Variants in HEATR9 observed in about 807,000 individuals in gnomAD.
The protein encoded by HEATR9 is protein HEATR9.
Under a neutral mutation model 68.2 loss-of-function variants are expected in HEATR9, and 54 were observed. The ratio of observed to expected loss-of-function variants is 0.79; its 90% confidence interval spans 0.64 to 0.99. HEATR9 has a LOEUF of 0.99. Ranked by LOEUF, HEATR9 falls within the 50% of genes least tolerant of loss-of-function variation. The probability of loss-of-function intolerance (pLI) is 0.00; values close to 1 mark genes in which losing one functional copy is unlikely to be tolerated. For missense variants in HEATR9, 662 were observed against 679.7 expected, an observed-to-expected ratio of 0.97 and a Z score of 0.29; for synonymous variants, 241 against 253.5, an observed-to-expected ratio of 0.95 and a Z score of 0.47.
chr17:35,862,667 TAAG>T (rs951511995), intron 8 of HEATR9, among the ~76,000 whole-genome samples: 1 of 152,188 alleles, frequency 6.6e-6, no homozygotes, highest in African/African-American at 2.4e-5. Context: ...CATAGTAAGT[TAAG>T]GAGTGTACTG....
chr17:35,865,874 T>TA, intron 2 of HEATR9, among the ~76,000 whole-genome samples: 1 of 152,314 alleles, frequency 6.6e-6, no homozygotes, highest in East Asian at 1.9e-4. Context: ...ATGTGCCAGA[T>TA]ACTGTGCTGG....
chr17:35,856,579 AG>A (rs2087779724), intron 12 of HEATR9, among the ~76,000 whole-genome samples, 152 bp downstream of exon 12: 1 of 152,152 alleles, frequency 6.6e-6, no homozygotes, highest in African/African-American at 2.4e-5. Context: ...TTACTTGGTT[AG>A]GGGCATGGGC....
chr17:35,858,510 C>CCAG lies in HEATR9; in HGVS notation c.952_954dup (p.Leu318dup). ...GCTGAGTGCACGTGCATCACCTTGA[C>CCAG]CAGCATCCTAAGTGCCTATGAGGGG... On this transcript the variant is annotated inframe_insertion, in exon 10 of 15. Coordinates refer to ENST00000604834, the MANE Select transcript of HEATR9 (RefSeq NM_152781.4). 6.2e-7 allele frequency: 1 copy of CCAG among 1,611,084 alleles called. No individual in the cohort carries two copies. The highest frequency in any genetic ancestry group is 1.1e-5 in the South Asian group (1 of 90,864).
At chr17:35,868,601 A>T in intron 1 of HEATR9, 54 bp downstream of exon 1, 1 of 1,612,466 alleles carries the variant, frequency 6.2e-7, no homozygotes, top group South Asian at 1.1e-5. Flanking sequence ...GCCAGGTAGC[A>T]TTTCTTTTTC....
At chr17:35,863,152 G>T in intron 7 of HEATR9, 27 bp from the exon 8 acceptor site, 1 of 1,612,480 alleles carries the variant, frequency 6.2e-7, no homozygotes, top group Non-Finnish European at 8.5e-7. Context: ...CTCAAGTCAG[G>T]GCAGAGCCTC....
intron 8 of HEATR9, chr17:35,861,296 C>T: frequency 1.4e-6 from 2 of 1,388,796 alleles, no homozygotes; most frequent in Non-Finnish European, 2.0e-6. Flanking sequence ...TTCATTGCGT[C>T]AATAGTTTTA....
chr17:35,855,556 C>T (rs1490659675), intron 14 of HEATR9, 108 bp downstream of exon 14: 5 of 1,299,074 alleles, frequency 3.8e-6, no homozygotes, highest in African/African-American at 1.5e-5. Context: ...TGTCTAAGGG[C>T]TCATGACCCT....
rs568750057 is a variant in HEATR9 at position 35,863,574 on chromosome 17, G to A, written c.568-15C>T. On this transcript the variant is annotated splice_polypyrimidine_tract_variant and intron_variant, in intron 6 of 14. Transcript: ENST00000604834. ...CCAGTTTGGGCCTAATTTAAGAGGC[G>A]GGTGGTAGGAACATATAATAAGGTG... 7.4e-6 allele frequency: 12 copies of A among 1,613,876 alleles called. No individual in the cohort carries two copies. Among genetic ancestry groups the A allele is most frequent in the African/African-American group, 5.3e-5 (4 of 75,054 alleles).
chr17:35,865,020 G>C (rs2088143140), intron 3 of HEATR9, 130 bp from the exon 4 acceptor site: 1 of 1,391,666 alleles, frequency 7.2e-7, no homozygotes, highest in South Asian at 1.3e-5. Context: ...TGAGGACTCA[G>C]TGATATCCAC....
At chr17:35,864,129 C>T (rs1231856866) in intron 6 of HEATR9, 117 bp downstream of exon 6, 1 of 781,548 alleles carries the variant, frequency 1.3e-6, no homozygotes, top group Non-Finnish European at 2.2e-6. Flanking sequence ...GTGGCTGTGT[C>T]CTTACTGGAT....
chr17:35,864,162 C>T lies in HEATR9; in HGVS notation c.567+84G>A, dbSNP rs773449694. 58 of 1,177,470 alleles carry T rather than the reference C, an allele frequency of 4.9e-5. No individual in the cohort carries two copies. The East Asian group carries it at 7.3e-4, about 15-fold the overall frequency. The allele number at this position is 1,177,470 out of a possible 1,614,324, so 72.9% of individuals were successfully genotyped here. On this transcript the variant is annotated intron_variant, in intron 6 of 14. Coordinates refer to ENST00000604834, the MANE Select transcript of HEATR9 (RefSeq NM_152781.4). ...GATCTGACCCGCCATCCTAGCACCCCGGGGAGCCTCGTCTGTGCCCACATG... is the reference window on the plus strand; with the variant it reads ...GATCTGACCCGCCATCCTAGCACCCTGGGGAGCCTCGTCTGTGCCCACATG...
intron 8 of HEATR9, among the ~76,000 whole-genome samples, chr17:35,860,096 A>G (rs1387533263): frequency 1.3e-5 from 2 of 152,132 alleles, no homozygotes; most frequent in East Asian, 1.9e-4. Context: ...GACATCATTT[A>G]AGAACATTGC....
At position 35,865,252 on chromosome 17, in the gene HEATR9, C is replaced by A. The variant is rs1316981242; in HGVS notation, c.283G>T (p.Ala95Ser). ...DLYDQREERE[A>S]EKMLRKMRDD... The stretch of plus-strand genomic sequence containing the variant: ...CTCATTTTCCTCAACATCTTCTCAG[C>A]CTCCCTTTCCTCTCGCTGATCATAC... Residue 95 changes from alanine (A) to serine (S), a missense_variant, in exon 3 of 15, where the codon GCT becomes TCT. Coordinates refer to ENST00000604834, the MANE Select transcript of HEATR9 (RefSeq NM_152781.4). 1.9e-6 allele frequency: 3 copies of A among 1,614,096 alleles called. No individual in the cohort carries two copies. The highest frequency in any genetic ancestry group is 2.5e-6 in the Non-Finnish European group (3 of 1,179,988).
chr17:35,865,377 G>C lies in HEATR9; in HGVS notation c.158C>G (p.Pro53Arg). Residue 53 changes from proline (P) to arginine (R), a missense_variant, in exon 3 of 15, where the codon CCC becomes CGC. Physicochemically the swap from Pro to Arg is moderately radical, Grantham distance 103 (BLOSUM62 -2). Transcript: ENST00000604834. ...SCYQMPKEEF[P>R]PSPECWRQHP... ...CTGCCTCCAGCACTCTGGACTTGGG[G>C]GAAACTCTTCCTTTGGCATCTGGGG... The C allele has an allele frequency of 6.2e-7, 1 of 1,613,484 alleles. No individual in the cohort carries two copies.
rs201898754 is a variant in HEATR9, at chr17:35,855,296, T to G, written c.1480A>C (p.Thr494Pro). ...TTCTCAGGCTCTTTCTGGAACCTTGTGGGCTCTGCCTTCACATTGGTCTTA... is the reference window on the plus strand; with the variant it reads ...TTCTCAGGCTCTTTCTGGAACCTTGGGGGCTCTGCCTTCACATTGGTCTTA... The part of the protein sequence containing the change: ...APKTNVKAEP[T>P]RFQKEPENPE... Residue 494 changes from threonine (T) to proline (P), a missense_variant, in exon 15 of 15, where the codon ACA becomes CCA. Physicochemically the swap from Thr to Pro is conservative, Grantham distance 38. Transcript: ENST00000604834. 150 of 1,614,104 alleles carry G rather than the reference T, an allele frequency of 9.3e-5. No individual in the cohort carries two copies. Among genetic ancestry groups the G allele is most frequent in the Admixed American group, 2.0e-4 (12 of 60,008 alleles).
At chr17:35,864,166 G>A (rs771396555) in intron 6 of HEATR9, 80 bp downstream of exon 6, 9 of 1,211,362 alleles carry the variant, frequency 7.4e-6, no homozygotes, top group South Asian at 6.1e-5. Context: ...GCACCCCGGG[G>A]AGCCTCGTCT....
At chr17:35,863,446 A>G (rs753224534) in intron 7 of HEATR9, 56 bp downstream of exon 7, 52 of 1,563,204 alleles carry the variant, frequency 3.3e-5, no homozygotes, top group Admixed American at 1.0e-4. Context: ...TCCTTACCCA[A>G]AGGAGAAAGT....
chr17:35,858,465 G>T lies in HEATR9; in HGVS notation c.1000C>A (p.Leu334Ile). 6.2e-7 allele frequency: 1 copy of T among 1,614,144 alleles called. No individual in the cohort carries two copies. Among genetic ancestry groups the T allele is most frequent in the Non-Finnish European group, 8.5e-7 (1 of 1,180,018 alleles). Residue 334 changes from leucine (L) to isoleucine (I), a missense_variant, in exon 10 of 15, where the codon CTA (leucine) becomes ATA (isoleucine). Coordinates refer to ENST00000604834, the MANE Select transcript of HEATR9 (RefSeq NM_152781.4). ...ACACTGGAAGAACACAGCTGGTCTA[G>T]GATGGCCTTGATGACTGGGGCTGAG... ...VHSAPVIKAI[L>I]DQLCSSSVLE...
chr17:35,863,419 T>C, intron 7 of HEATR9, 83 bp downstream of exon 7: 1 of 1,411,422 alleles, frequency 7.1e-7, no homozygotes, highest in South Asian at 1.2e-5. Flanking sequence ...AGCAAGTGTA[T>C]GCTCCTCACC....
Sources: gnomAD v4.1 joint callset for allele counts (sites outside exome capture counted in the v4.1 genomes callset) on GRCh38, gnomAD v4.1.1 for gene constraint, MANE v1.5 for transcripts, NCBI Gene and HGNC (gene_info 2026-07-23, HGNC 2026-07-21) for gene names.